Variants in PLA2G4A observed in about 807,000 individuals in gnomAD.
PLA2G4A encodes the protein phospholipase A2 group IVA.
PLA2G4A carries 40 observed loss-of-function variants against 81.9 expected under a neutral mutation model. The observed-to-expected ratio is 0.49, with a 90% CI of 0.38 to 0.64. The LOEUF is 0.64. Among genes scored for constraint, PLA2G4A ranks in the 30% least tolerant of loss-of-function variants. PLA2G4A has a pLI of 0.00. For missense variants in PLA2G4A, 715 were observed against 905.1 expected (o/e 0.79, Z 2.69); for synonymous variants, 302 against 296.9 (o/e 1.02, Z -0.18).
At chr1:186,962,141 G>C (rs1216597549) in intron 14 of PLA2G4A, among the ~76,000 whole-genome samples, 1 of 151,784 alleles carries the variant, frequency 6.6e-6, no homozygotes, top group Non-Finnish European at 1.5e-5. Context: ...CTTAATAATG[G>C]CCCCAAAGTG....
At chr1:186,965,143 G>A (rs1458614815) in intron 14 of PLA2G4A, among the ~76,000 whole-genome samples, 1 of 152,244 alleles carries the variant, frequency 6.6e-6, no homozygotes. Context: ...CCTGAGCTAA[G>A]TGCTTTCCAT....
intron 16 of PLA2G4A, among the ~76,000 whole-genome samples, chr1:186,978,948 C>G (rs957563090): frequency 3.9e-5 from 6 of 152,180 alleles, no homozygotes; most frequent in Non-Finnish European, 5.9e-5. Context: ...TCATGCTTCC[C>G]ACACGCACAC....
At chr1:186,904,474 G>A (rs1044318441) in intron 5 of PLA2G4A, among the ~76,000 whole-genome samples, 3 of 152,224 alleles carry the variant, frequency 2.0e-5, no homozygotes, top group African/African-American at 7.2e-5. Flanking sequence ...GGTGCAGAGA[G>A]ATTATAAATA....
chr1:186,921,051 T>C (rs1655332784), intron 7 of PLA2G4A, among the ~76,000 whole-genome samples: 1 of 152,248 alleles, frequency 6.6e-6, no homozygotes, highest in African/African-American at 2.4e-5. Flanking sequence ...GACTCTCCTC[T>C]TTTCCTTGGG....
chr1:186,843,995 G>A (rs10489406), intron 1 of PLA2G4A, among the ~76,000 whole-genome samples: 8,247 of 152,230 alleles, frequency 0.054, 331 homozygotes, highest in South Asian at 0.13. Context: ...GAATACAAAT[G>A]GAGAGGGAAA....
At chr1:186,959,258 A>T (rs1208850082) in intron 14 of PLA2G4A, among the ~76,000 whole-genome samples, 14 of 152,168 alleles carry the variant, frequency 9.2e-5, no homozygotes, top group Non-Finnish European at 2.1e-4. Context: ...GGAGAATAAT[A>T]GTTGTACACC....
intron 1 of PLA2G4A, among the ~76,000 whole-genome samples, chr1:186,846,713 T>C (rs1473435077): frequency 6.6e-6 from 1 of 152,192 alleles, no homozygotes; most frequent in Non-Finnish European, 1.5e-5. Context: ...GGAAGCATGG[T>C]TGGATGTTCA....
At chr1:186,920,224 C>G (rs989809698) in intron 7 of PLA2G4A, among the ~76,000 whole-genome samples, 1 of 152,090 alleles carries the variant, frequency 6.6e-6, no homozygotes, top group Non-Finnish European at 1.5e-5. Flanking sequence ...CTGTAAAGAG[C>G]CCTGTTTTGT....
At chr1:186,885,071 T>C (rs1653885484) in intron 3 of PLA2G4A, among the ~76,000 whole-genome samples, 1 of 152,032 alleles carries the variant, frequency 6.6e-6, no homozygotes, top group Non-Finnish European at 1.5e-5. Context: ...ACTTGGGGTA[T>C]AAAGACTGGA....
intron 16 of PLA2G4A, 43 bp downstream of exon 16, chr1:186,977,831 T>A: frequency 1.6e-6 from 2 of 1,282,760 alleles, no homozygotes; most frequent in Non-Finnish European, 2.3e-6. Context: ...AGAAATTAAG[T>A]AGGGGACGAA....
chr1:186,911,223 T>C (rs1392261574), intron 6 of PLA2G4A, 25 bp from the exon 7 acceptor site: 1 of 1,610,798 alleles, frequency 6.2e-7, no homozygotes. Context: ...CACTGGCTCA[T>C]GACTTTATCT....
chr1:186,941,435 G>T (rs1487909367), intron 10 of PLA2G4A, among the ~76,000 whole-genome samples: 1 of 152,152 alleles, frequency 6.6e-6, no homozygotes, highest in Non-Finnish European at 1.5e-5. Context: ...TGGCTAAAAT[G>T]TTTGTCATGC....
intron 15 of PLA2G4A, among the ~76,000 whole-genome samples, chr1:186,970,675 A>G (rs1657325648): frequency 6.6e-6 from 1 of 152,062 alleles, no homozygotes; most frequent in Non-Finnish European, 1.5e-5. Context: ...TCCCTTCTCC[A>G]GTATATATTC....
chr1:186,859,847 T>C (rs994322992), intron 2 of PLA2G4A, among the ~76,000 whole-genome samples: 2 of 151,970 alleles, frequency 1.3e-5, no homozygotes, highest in East Asian at 1.9e-4. Flanking sequence ...AGGGTATGAA[T>C]AGGACCTGCT....
intron 5 of PLA2G4A, among the ~76,000 whole-genome samples, chr1:186,902,235 AC>A (rs2102133743): frequency 6.6e-6 from 1 of 152,312 alleles, no homozygotes; most frequent in African/African-American, 2.4e-5. Flanking sequence ...TCTTATGGGG[AC>A]CACTATTGCA....
chr1:186,918,951 T>C (rs1655247838), intron 7 of PLA2G4A, among the ~76,000 whole-genome samples: 1 of 152,200 alleles, frequency 6.6e-6, no homozygotes, highest in Non-Finnish European at 1.5e-5. Flanking sequence ...TCCTTAGACA[T>C]AGTGGCCAGC....
chr1:186,937,468 C>T lies in PLA2G4A; in HGVS notation c.696-1540C>T, dbSNP rs188801452. The stretch of plus-strand genomic sequence containing the variant: ...TTTTTATAGATATTTCGTGATTATA[C>T]TAAGTTGAGTTGAGCAAGTCTATTT... On this transcript the variant is annotated intron_variant, in intron 8 of 17. Coordinates refer to ENST00000367466, the MANE Select transcript of PLA2G4A (RefSeq NM_024420.3). Among the ~76,000 whole-genome samples, 53 of 151,986 alleles carry T rather than the reference C, an allele frequency of 3.5e-4. No individual in the cohort carries two copies. The South Asian group carries it at 4.6e-3, about 13-fold the overall frequency.
Position 186,932,957 on chromosome 1 carries a change from C to T in PLA2G4A, c.695+58C>T, listed in dbSNP as rs549802936. On this transcript the variant is annotated intron_variant, in intron 8 of 17. Transcript: ENST00000367466. ...CTTTAAATATTTAGGATTTATCTAA[C>T]TCAAGCACTAGAAGAGAAAAGGGGA... 9.5e-5 allele frequency: 118 copies of T among 1,238,854 alleles called. No homozygotes were observed. In the African/African-American group the frequency reaches 1.7e-3, roughly 17 times the overall value. 76.7% of individuals were successfully genotyped at this position (1,238,854 alleles called of 1,614,324 possible). A position where few individuals can be genotyped will look rare whatever the true frequency, so the allele number is the denominator to read the frequency against.
chr1:186,878,187 T>A (rs1338721929), intron 3 of PLA2G4A, among the ~76,000 whole-genome samples: 1 of 144,448 alleles, frequency 6.9e-6, no homozygotes, highest in East Asian at 2.0e-4. Context: ...CTGATATATT[T>A]TATATATATC....
Sources: gnomAD v4.1 joint callset for allele counts (sites outside exome capture counted in the v4.1 genomes callset) on GRCh38, gnomAD v4.1.1 for gene constraint, MANE v1.5 for transcripts, NCBI Gene and HGNC (gene_info 2026-07-23, HGNC 2026-07-21) for gene names.